The following CASQ2 variants were observed in gnomAD, a reference collection of about 807,000 sequenced individuals.
CASQ2 encodes calsequestrin-2.
In CASQ2, 49 loss-of-function variants were observed where a neutral mutation model predicts 46.5. That is an observed-to-expected ratio of 1.05 (90% CI 0.84 to 1.34). CASQ2 has a LOEUF of 1.34. Ranked by LOEUF, CASQ2 falls within the 40% of genes most tolerant of loss-of-function variation. The pLI is 0.00. For synonymous variants in CASQ2, 174 were observed against 168.5 expected, an observed-to-expected ratio of 1.03 and a Z score of -0.25; for missense variants, 486 against 481.3, an observed-to-expected ratio of 1.01 and a Z score of -0.09.
At position 115,747,508 on chromosome 1, in the gene CASQ2, A is replaced by C. The variant is rs144755795; in HGVS notation, c.235-2596T>G. Among the ~76,000 whole-genome samples, 966 of 151,946 alleles carry C rather than the reference A, an allele frequency of 6.4e-3. 10 individuals carry two copies. The highest frequency in any genetic ancestry group is 0.022 in the African/African-American group (912 of 41,496). On this transcript the variant is annotated intron_variant, in intron 1 of 10. Transcript: ENST00000261448. ...TTCAGAATAATCTTGTTTATACACA[A>C]AAAAAAATATTACTAGAATTTTGAT...
chr1:115,768,616 G>C lies in CASQ2; in HGVS notation c.-75C>G, dbSNP rs1239813260. The C allele has an allele frequency of 5.3e-6, 5 of 946,264 alleles. No individual in the cohort carries two copies. The highest frequency in any genetic ancestry group is 8.4e-6 in the Non-Finnish European group (5 of 598,434). 58.6% of individuals were successfully genotyped at this position (946,264 alleles called of 1,614,324 possible). On this transcript the variant is annotated 5_prime_UTR_variant, in exon 1 of 11. Transcript: ENST00000261448. ...AGGACAGAAGACTGTTAGAGGCCTT[G>C]TTGAGCCAAGGAGAGAGCAGACAGG...
chr1:115,741,066 A>G (rs1648159001), intron 2 of CASQ2, among the ~76,000 whole-genome samples: 1 of 152,248 alleles, frequency 6.6e-6, no homozygotes, highest in Non-Finnish European at 1.5e-5. Context: ...AGAAAAGTCT[A>G]TTCTCCACTC....
intron 8 of CASQ2, among the ~76,000 whole-genome samples, chr1:115,708,957 G>A (rs1042788736): frequency 6.6e-6 from 1 of 152,224 alleles, no homozygotes; most frequent in Non-Finnish European, 1.5e-5. Flanking sequence ...GAGACCACGA[G>A]AACCGTGCCT....
At chr1:115,733,321 A>G (rs1238823476) in intron 4 of CASQ2, among the ~76,000 whole-genome samples, 1 of 152,174 alleles carries the variant, frequency 6.6e-6, no homozygotes, top group African/African-American at 2.4e-5. Context: ...ACTCACTGCT[A>G]CTTATAATCA....
chr1:115,725,558 A>G lies in CASQ2; in HGVS notation c.738-5T>C, dbSNP rs1230916745. 1 of 79,334 alleles carries G rather than the reference A, an allele frequency of 1.3e-5. No homozygotes were observed. The highest frequency in any genetic ancestry group is 1.3e-4 in the South Asian group (1 of 7,818). 4.9% of individuals were successfully genotyped at this position (79,334 alleles called of 1,614,324 possible). ...CGCAGGCGACGTAGAGTGGGTCTGG[A>G]AAAAAAAAAAAAAAAAAAAAAAGAA... On this transcript the variant is annotated splice_polypyrimidine_tract_variant and splice_region_variant and intron_variant, in intron 6 of 10. Transcript: ENST00000261448.
chr1:115,752,069 C>T (rs7532923), intron 1 of CASQ2, among the ~76,000 whole-genome samples: 1 of 152,010 alleles, frequency 6.6e-6, no homozygotes, highest in Non-Finnish European at 1.5e-5. Flanking sequence ...CACACAAAGC[C>T]ACCAACACAT....
intron 4 of CASQ2, among the ~76,000 whole-genome samples, chr1:115,737,254 A>G (rs1029967638): frequency 6.6e-6 from 1 of 152,206 alleles, no homozygotes; most frequent in Non-Finnish European, 1.5e-5. Context: ...GGAGGTTTTA[A>G]TGAAGCAAAT....
chr1:115,764,532 G>C (rs574344409), intron 1 of CASQ2, among the ~76,000 whole-genome samples: 2 of 152,246 alleles, frequency 1.3e-5, no homozygotes, highest in East Asian at 3.9e-4. Context: ...TGTTGATGAA[G>C]AATACCCAAG....
At chr1:115,720,385 C>G (rs1647324312) in intron 7 of CASQ2, among the ~76,000 whole-genome samples, 1 of 152,062 alleles carries the variant, frequency 6.6e-6, no homozygotes, top group Admixed American at 6.6e-5. Context: ...GAGTTCAGCC[C>G]TCAAGACCTA....
intron 1 of CASQ2, among the ~76,000 whole-genome samples, chr1:115,750,359 G>A (rs944159559): frequency 6.6e-6 from 1 of 152,180 alleles, no homozygotes; most frequent in Non-Finnish European, 1.5e-5. Flanking sequence ...CTAGTGAATG[G>A]GGTTGTCTCT....
At chr1:115,761,511 G>GAAC (rs1557806898) in intron 1 of CASQ2, among the ~76,000 whole-genome samples, 8 of 104,408 alleles carry the variant, frequency 7.7e-5, no homozygotes, top group African/African-American at 2.9e-4. Context: ...AGAAGAAGAA[G>GAAC]AAGAAGAAGA....
rs1305425298 is a variant in CASQ2, at chr1:115,768,692, C to T, written c.-151G>A. ...CCTGGGGCTGAAAAGTGACTCTTCA[C>T]CTCCTTGGGTCCAGCCAGCTCTGGA... On this transcript the variant is annotated 5_prime_UTR_variant, in exon 1 of 11. The change creates a new upstream start codon in the 5' untranslated region. Transcript: ENST00000261448. 3 of 655,512 alleles carry T rather than the reference C, an allele frequency of 4.6e-6. No individual in the cohort carries two copies. Among genetic ancestry groups the T allele is most frequent in the East Asian group, 2.7e-5 (1 of 36,566 alleles). 40.6% of individuals were successfully genotyped at this position (655,512 alleles called of 1,614,324 possible). A position where few individuals can be genotyped will look rare whatever the true frequency, so the allele number is the denominator to read the frequency against.
intron 1 of CASQ2, among the ~76,000 whole-genome samples, chr1:115,748,863 G>A (rs1182453773): frequency 3.9e-5 from 6 of 152,104 alleles, no homozygotes; most frequent in Admixed American, 6.6e-5. Flanking sequence ...CTCCTAGTAC[G>A]TGAGCCTCTG....
intron 1 of CASQ2, among the ~76,000 whole-genome samples, chr1:115,759,177 T>G (rs1454415014): frequency 3.3e-5 from 5 of 152,174 alleles, no homozygotes; most frequent in Non-Finnish European, 5.9e-5. Context: ...TCTTTGTAAG[T>G]GCTATGATTT....
chr1:115,735,684 A>G (rs1307784523), intron 4 of CASQ2, among the ~76,000 whole-genome samples: 3 of 152,222 alleles, frequency 2.0e-5, no homozygotes, highest in African/African-American at 7.2e-5. Context: ...TGATATACAA[A>G]ATTTAATTAA....
chr1:115,756,151 G>A (rs1388541351), intron 1 of CASQ2, among the ~76,000 whole-genome samples: 1 of 152,216 alleles, frequency 6.6e-6, no homozygotes, highest in African/African-American at 2.4e-5. Context: ...CATGGCAGAT[G>A]GTGAGGAGAG....
intron 8 of CASQ2, among the ~76,000 whole-genome samples, chr1:115,715,134 A>C (rs1444339927): frequency 6.6e-6 from 1 of 152,220 alleles, no homozygotes; most frequent in East Asian, 1.9e-4. Context: ...CTCTGTTCAC[A>C]TAACACCAGG....
rs560097306 is a variant in CASQ2 at position 115,722,108 on chromosome 1, C to T, written c.783+3400G>A. 4.6e-5 allele frequency among the ~76,000 whole-genome samples: 7 copies of T among 152,268 alleles called. No homozygotes were observed. The East Asian group carries it at 5.8e-4, about 13-fold the overall frequency. ...CTGGAGAGGCCTGTCCTGCCTTCCC[C>T]CTAGTTGGAGACTTGAATGAGGGGC... On this transcript the variant is annotated intron_variant, in intron 7 of 10. Transcript: ENST00000261448.
chr1:115,705,545 C>A (rs114396832), intron 8 of CASQ2, among the ~76,000 whole-genome samples: 3 of 152,230 alleles, frequency 2.0e-5, no homozygotes, highest in African/African-American at 7.2e-5. Flanking sequence ...GGAAGCCAAA[C>A]TTCATTTGTG....
Sources: gnomAD v4.1 joint callset for allele counts (sites outside exome capture counted in the v4.1 genomes callset) on GRCh38, gnomAD v4.1.1 for gene constraint, MANE v1.5 for transcripts, NCBI Gene and HGNC (gene_info 2026-07-23, HGNC 2026-07-21) for gene names.